Variants in ZNF724 observed in about 807,000 individuals in gnomAD.
ZNF724 encodes the protein zinc finger protein 724 pseudogene.
A neutral mutation model predicts 29.3 loss-of-function variants in ZNF724; 14 were observed. The observed-to-expected ratio is 0.48, with a 90% confidence interval of 0.32 to 0.75. The LOEUF is 0.75. Ranked by LOEUF, ZNF724 falls within the 30% of genes least tolerant of loss-of-function variation. ZNF724 has a pLI of 0.04. For synonymous variants in ZNF724, 180 were observed against 193.6 expected, an observed-to-expected ratio of 0.93 and a Z score of 0.58; for missense variants, 557 against 571.2, an observed-to-expected ratio of 0.98 and a Z score of 0.25.
At chr19:23,238,339 T>C (rs1200085985) in intron 1 of ZNF724, among the ~76,000 whole-genome samples, 1 of 148,214 alleles carries the variant, frequency 6.7e-6, no homozygotes, top group Admixed American at 7.0e-5. Context: ...CACTCCAGCC[T>C]GGAAGCGAGA....
intron 1 of ZNF724, among the ~76,000 whole-genome samples, chr19:23,240,844 C>A (rs998598639): frequency 1.3e-5 from 2 of 151,776 alleles, no homozygotes; most frequent in Non-Finnish European, 2.9e-5. Context: ...CCAGCCTGAC[C>A]AACATGGTGA....
In ZNF724 at chr19:23,232,284, T is replaced by G. The variant is rs1005175261; in HGVS notation, c.13A>C (p.Thr5Pro). The change falls in exon 2 of 4, where the codon ACA (threonine) becomes CCA (proline). Residue 5 changes from threonine (T) to proline (P), a missense_variant. By Grantham distance (38) the Thr-to-Pro change is conservative (BLOSUM62 -1). Coordinates refer to ENST00000418100, the MANE Select transcript of ZNF724 (RefSeq NM_001355404.2). ...AATTCTATGGCCACATCCATAAATG[T>G]CAATGGTCCCTGAAAAGTACACACA... is the stretch of plus-strand genomic sequence containing the variant. The part of the protein sequence containing the change: MGPL[T>P]FMDVAIEFSV... 22 of 1,243,200 alleles carry G rather than the reference T, an allele frequency of 1.8e-5. No homozygotes were observed. The highest frequency in any genetic ancestry group is 2.6e-5 in the Non-Finnish European group (22 of 843,778). 77.0% of individuals were successfully genotyped at this position (1,243,200 alleles called of 1,614,324 possible). A position where few individuals can be genotyped will look rare whatever the true frequency, so the allele number is the denominator to read the frequency against.
Position 23,222,519 on chromosome 19 carries a change from T to A in ZNF724, c.1726A>T (p.Thr576Ser). 1 of 1,333,560 alleles carries A rather than the reference T, an allele frequency of 7.5e-7. No homozygotes were observed. The highest frequency in any genetic ancestry group is 1.2e-5 in the South Asian group (1 of 85,020). The allele number at this position is 1,333,560 out of a possible 1,614,324, so 82.6% of individuals were successfully genotyped here. ...TGAATTACCTTATGTTTAGTCAGAG[T>A]TGAGGACCAATTAAAGGCTTTGCCA... ...ECGKAFNWSS[T>S]LTKHKVIHTG... is the part of the protein sequence containing the mutation. Residue 576 changes from threonine (T) to serine (S), a missense_variant, in exon 4 of 4, where the codon ACT (threonine) becomes TCT (serine). This residue lies in a region of ZNF724 where 170 missense variants were observed against 220.7 expected (regional missense o/e 0.77). Coordinates refer to ENST00000418100, the MANE Select transcript of ZNF724 (RefSeq NM_001355404.2).
At position 23,232,123 on chromosome 19, in the gene ZNF724, A is replaced by G. The variant is rs756631404; in HGVS notation, c.130+44T>C. ...AACATCCTACAAAAAAACAAACGAA[A>G]TATTTAGGGTAGATTAGGAATTGTG... On this transcript the variant is annotated intron_variant, in intron 2 of 3. Coordinates refer to ENST00000418100, the MANE Select transcript of ZNF724 (RefSeq NM_001355404.2). 5 of 1,237,340 alleles carry G rather than the reference A, an allele frequency of 4.0e-6. No homozygotes were observed. In the Admixed American group the frequency reaches 9.6e-5, roughly 24 times the overall value. 76.6% of individuals were successfully genotyped at this position (1,237,340 alleles called of 1,614,324 possible). A position where few individuals can be genotyped will look rare whatever the true frequency, so the allele number is the denominator to read the frequency against.
intron 3 of ZNF724, among the ~76,000 whole-genome samples, chr19:23,224,857 A>C (rs889386966): frequency 3.9e-5 from 6 of 152,140 alleles, no homozygotes. Flanking sequence ...TGGGAGGCTA[A>C]GGCAGGAGAA....
At chr19:23,246,800 C>T (rs1253119270) in intron 1 of ZNF724, among the ~76,000 whole-genome samples, 2 of 152,222 alleles carry the variant, frequency 1.3e-5, no homozygotes, top group South Asian at 2.1e-4. Context: ...TTATCTACCA[C>T]ATTTTCTTGT....
intron 3 of ZNF724, among the ~76,000 whole-genome samples, chr19:23,224,284 G>T (rs1284017514): frequency 6.6e-6 from 1 of 152,058 alleles, no homozygotes; most frequent in Non-Finnish European, 1.5e-5. Context: ...ATGATAGCAT[G>T]CACCTGTAAT....
At chr19:23,228,379 G>A (rs915849982) in intron 3 of ZNF724, among the ~76,000 whole-genome samples, 2 of 151,978 alleles carry the variant, frequency 1.3e-5, no homozygotes, top group African/African-American at 2.4e-5. Flanking sequence ...GAACCCAGCC[G>A]GGAGGCAGAG....
At position 23,223,515 on chromosome 19, in the gene ZNF724, G is replaced by A. The variant is rs1252473944; in HGVS notation, c.730C>T (p.His244Tyr). Residue 244 changes from histidine (H) to tyrosine (Y), a missense_variant, in exon 4 of 4, where the codon CAT (histidine) becomes TAT (tyrosine). Around this residue, in one of 3 missense-constraint regions of ZNF724, gnomAD observed 362 missense variants for 295.5 expected, o/e 1.22. Coordinates refer to ENST00000418100, the MANE Select transcript of ZNF724 (RefSeq NM_001355404.2). ...TTCTCTCCAGTATGAATTATCTTAT[G>A]TGTGTTAAGGTGTGAGGACTTGTTA... is the stretch of plus-strand genomic sequence containing the variant. ...AFNKSSHLNT[H>Y]KIIHTGEKSY... 4 of 744,262 alleles carry A rather than the reference G, an allele frequency of 5.4e-6. No homozygotes were observed. Among genetic ancestry groups the A allele is most frequent in the Non-Finnish European group, 5.0e-6 (2 of 400,604 alleles). 46.1% of individuals were successfully genotyped at this position (744,262 alleles called of 1,614,324 possible). A position where few individuals can be genotyped will look rare whatever the true frequency, so the allele number is the denominator to read the frequency against.
intron 3 of ZNF724, among the ~76,000 whole-genome samples, chr19:23,225,735 T>A (rs1204499022): frequency 6.6e-6 from 1 of 152,148 alleles, no homozygotes; most frequent in African/African-American, 2.4e-5. Context: ...AGATATGTTA[T>A]AAAGAGTCAC....
rs191830303 is a variant in ZNF724, at chr19:23,237,313, G to A, written c.4-5020C>T. On this transcript the variant is annotated intron_variant, in intron 1 of 3. Transcript: ENST00000418100. ...ACTGTAATAGCAGTATTCGAGTTTA[G>A]TAAAATAAAAGATACTGAAATCATG... Among the ~76,000 whole-genome samples the A allele has an allele frequency of 6.8e-4, 104 of 152,206 alleles. 1 individual carries two copies. The Middle Eastern group carries it at 0.01, about 15-fold the overall frequency.
chr19:23,250,070 G>A (rs1972323872), intron 1 of ZNF724, among the ~76,000 whole-genome samples, 170 bp downstream of exon 1: 1 of 152,202 alleles, frequency 6.6e-6, no homozygotes, highest in African/African-American at 2.4e-5. Flanking sequence ...GGCTGTCAGC[G>A]AAGCCGCCAT....
chr19:23,242,800 G>A (rs1242250130), intron 1 of ZNF724: 1 of 151,244 alleles, frequency 6.6e-6, no homozygotes, highest in Non-Finnish European at 1.5e-5. Context: ...AGCACTTTGG[G>A]AGGCTGAAGC....
At chr19:23,239,008 A>G (rs555031489) in intron 1 of ZNF724, among the ~76,000 whole-genome samples, 1 of 150,098 alleles carries the variant, frequency 6.7e-6, no homozygotes, top group Admixed American at 6.7e-5. Flanking sequence ...AGCCTTGGGC[A>G]CACTAAAGAA....
At chr19:23,250,026 A>C (rs1387977093) in intron 1 of ZNF724, among the ~76,000 whole-genome samples, 1 of 152,138 alleles carries the variant, frequency 6.6e-6, no homozygotes, top group Non-Finnish European at 1.5e-5. Context: ...GGGCACAGTC[A>C]CTGGGCGGGG....
At position 23,223,526 on chromosome 19, in the gene ZNF724, T is replaced by C. The variant is rs1447694630; in HGVS notation, c.719A>G (p.His240Arg). The change falls in exon 4 of 4, where the codon CAC (histidine) becomes CGC (arginine). Residue 240 changes from histidine to arginine, a missense_variant. His to Arg is a conservative substitution (Grantham distance 29, BLOSUM62 0). Coordinates refer to ENST00000418100, the MANE Select transcript of ZNF724 (RefSeq NM_001355404.2). ...ATGAATTATCTTATGTGTGTTAAGG[T>C]GTGAGGACTTGTTAAAGGCTATGCC... The part of the protein sequence containing the change: ...ECGIAFNKSS[H>R]LNTHKIIHTG... 2 of 741,592 alleles carry C rather than the reference T, an allele frequency of 2.7e-6. No individual in the cohort carries two copies. The highest frequency in any genetic ancestry group is 5.0e-6 in the Non-Finnish European group (2 of 399,174). The allele number at this position is 741,592 out of a possible 1,614,324, so 45.9% of individuals were successfully genotyped here. A position where few individuals can be genotyped will look rare whatever the true frequency, so the allele number is the denominator to read the frequency against.
At chr19:23,224,272 G>C (rs541297549) in intron 3 of ZNF724, among the ~76,000 whole-genome samples, 2 of 152,164 alleles carry the variant, frequency 1.3e-5, no homozygotes, top group African/African-American at 4.8e-5. Context: ...AATTAGCCGG[G>C]CATGATAGCA....
chr19:23,227,281 GTGGTGGCTCACGCCTGTAATCCCAGCA>G (rs1971849302), intron 3 of ZNF724, among the ~76,000 whole-genome samples: 1 of 151,990 alleles, frequency 6.6e-6, no homozygotes, highest in African/African-American at 2.4e-5. Flanking sequence ...CAGGCCAGGC[GTGGTGGCTCACGCCTGTAATCCCAGCA>G]CTTTGGGAGG....
intron 3 of ZNF724, 46 bp downstream of exon 3, chr19:23,231,219 AT>A (rs746124923): frequency 8.2e-7 from 1 of 1,214,352 alleles, no homozygotes; most frequent in African/African-American, 1.5e-5. Context: ...TCTCCTTGAC[AT>A]TTGGACCTCT....
Sources: gnomAD v4.1 joint callset for allele counts (sites outside exome capture counted in the v4.1 genomes callset) on GRCh38, gnomAD v4.1.1 for gene constraint, gnomAD v4.1.1 regional missense constraint, MANE v1.5 for transcripts, NCBI Gene and HGNC (gene_info 2026-07-23, HGNC 2026-07-21) for gene names.